CADPS2: variants seen among roughly 807,000 people sequenced by gnomAD.
CADPS2 encodes the protein calcium-dependent secretion activator 2.
Under a neutral mutation model 172.5 loss-of-function variants are expected in CADPS2, and 93 were observed. The ratio of observed to expected loss-of-function variants is 0.54; its 90% CI spans 0.46 to 0.64. The LOEUF is 0.64. Among genes scored for constraint, CADPS2 ranks in the 30% least tolerant of loss-of-function variants. The probability of loss-of-function intolerance (pLI) is 0.00; values close to 1 mark genes in which losing one functional copy is unlikely to be tolerated. For synonymous variants in CADPS2, 546 were observed against 555.2 expected (o/e 0.98, Z 0.23); for missense variants, 1,420 against 1,565.9 (o/e 0.91, Z 1.57).
At chr7:122,841,142 A>C (rs938344123) in intron 1 of CADPS2, among the ~76,000 whole-genome samples, 1 of 152,200 alleles carries the variant, frequency 6.6e-6, no homozygotes, top group African/African-American at 2.4e-5. Context: ...GTTAATGCCT[A>C]TATTTCTTGG....
chr7:122,632,751 T>G (rs2076698738), intron 3 of CADPS2, among the ~76,000 whole-genome samples: 1 of 152,226 alleles, frequency 6.6e-6, no homozygotes, highest in Non-Finnish European at 1.5e-5. Context: ...TTTGTGGACT[T>G]AGCCATAAGT....
chr7:122,395,202 C>T (rs2044911170), intron 20 of CADPS2, among the ~76,000 whole-genome samples: 1 of 152,098 alleles, frequency 6.6e-6, no homozygotes, highest in Non-Finnish European at 1.5e-5. Context: ...CGATATGTTA[C>T]TTTATGCGTT....
At chr7:122,381,820 CAAAG>C (rs1298311298) in intron 24 of CADPS2, among the ~76,000 whole-genome samples, 1 of 152,000 alleles carries the variant, frequency 6.6e-6, no homozygotes, top group Non-Finnish European at 1.5e-5. Flanking sequence ...ATGTTAAAAA[CAAAG>C]GAATAAAGAA....
At chr7:122,693,392 T>C (rs1239037392) in intron 2 of CADPS2, among the ~76,000 whole-genome samples, 2 of 152,222 alleles carry the variant, frequency 1.3e-5, no homozygotes, top group East Asian at 1.9e-4. Context: ...TCTACCAAGA[T>C]ACTTTCAGTA....
At chr7:122,658,590 A>G (rs1286144896) in intron 3 of CADPS2, among the ~76,000 whole-genome samples, 1 of 152,230 alleles carries the variant, frequency 6.6e-6, no homozygotes, top group African/African-American at 2.4e-5. Context: ...TTGTAGGGAC[A>G]TGGATGAAGC....
At chr7:122,695,002 T>C (rs1442708785) in intron 2 of CADPS2, among the ~76,000 whole-genome samples, 1 of 152,158 alleles carries the variant, frequency 6.6e-6, no homozygotes, top group Non-Finnish European at 1.5e-5. Flanking sequence ...TTAAATCCCA[T>C]CAGAAAAGTC....
chr7:122,451,095 G>A (rs1452780809), intron 15 of CADPS2, among the ~76,000 whole-genome samples: 4 of 152,140 alleles, frequency 2.6e-5, no homozygotes, highest in Non-Finnish European at 5.9e-5. Context: ...GAGCTAGGGG[G>A]AAGAGACTAT....
chr7:122,699,039 C>A (rs2085616429), intron 2 of CADPS2: 3 of 685,440 alleles, frequency 4.4e-6, no homozygotes, highest in Non-Finnish European at 7.2e-6. Flanking sequence ...TGTCTTCCAG[C>A]ATGTTTTTGT....
intron 2 of CADPS2, among the ~76,000 whole-genome samples, chr7:122,716,482 C>T (rs566494961): frequency 6.6e-6 from 1 of 152,132 alleles, no homozygotes; most frequent in Admixed American, 6.6e-5. Flanking sequence ...TCCCAGTCAG[C>T]AGAAAGCTCC....
chr7:122,623,834 C>A (rs907292703), intron 4 of CADPS2, among the ~76,000 whole-genome samples: 1 of 152,158 alleles, frequency 6.6e-6, no homozygotes, highest in Non-Finnish European at 1.5e-5. Context: ...GAGCATGTCA[C>A]GTATCTGAAA....
chr7:122,719,839 T>C lies in CADPS2; in HGVS notation c.453+17116A>G, dbSNP rs1005132501. 2.0e-5 allele frequency among the ~76,000 whole-genome samples: 3 copies of C among 152,246 alleles called. No individual in the cohort carries two copies. In the East Asian group the frequency reaches 5.8e-4, roughly 29 times the overall value. ...AAAAAGGAAAAAATATCATCATTTATGGCTTTATCAAAATCTTGCATAGAT... is the reference window on the plus strand; with the variant it reads ...AAAAAGGAAAAAATATCATCATTTACGGCTTTATCAAAATCTTGCATAGAT... On this transcript the variant is annotated intron_variant, in intron 2 of 29. Coordinates refer to ENST00000449022, the MANE Select transcript of CADPS2 (RefSeq NM_017954.11).
At chr7:122,389,971 A>G (rs1006265860) in intron 22 of CADPS2, among the ~76,000 whole-genome samples, 10 of 152,012 alleles carry the variant, frequency 6.6e-5, no homozygotes, top group African/African-American at 2.2e-4. Context: ...TTAGAAAAAA[A>G]GGCACCTCTT....
chr7:122,618,173 G>C (rs1479414533), intron 5 of CADPS2, among the ~76,000 whole-genome samples: 7 of 152,064 alleles, frequency 4.6e-5, no homozygotes, highest in Non-Finnish European at 7.4e-5. Flanking sequence ...GCGTTTTGTG[G>C]ATTGGCTCAT....
chr7:122,369,132 C>A lies in CADPS2; in HGVS notation c.3388-8119G>T, dbSNP rs113867679. 2.5e-5 allele frequency among the ~76,000 whole-genome samples: 2 copies of A among 80,062 alleles called. 1 individual carries two copies. Among genetic ancestry groups the A allele is most frequent in the Non-Finnish European group, 4.2e-5 (2 of 47,460 alleles). 52.5% of individuals were successfully genotyped at this position (80,062 alleles called of 152,430 possible). Reference sequence around the variant, plus strand: ...TGGCTAGAAGAATTTTTGTTTCCCCCCCCCCCCCCCTTTTTTTTTTTTTGA... The same window carrying A: ...TGGCTAGAAGAATTTTTGTTTCCCCACCCCCCCCCCTTTTTTTTTTTTTGA... On this transcript the variant is annotated intron_variant, in intron 25 of 29. Transcript: ENST00000449022.
At chr7:122,625,628 C>G (rs1385147018) in intron 4 of CADPS2, among the ~76,000 whole-genome samples, 2 of 151,990 alleles carry the variant, frequency 1.3e-5, no homozygotes, top group Non-Finnish European at 2.9e-5. Context: ...CCAGTCCGCC[C>G]TACAGATTTC....
chr7:122,323,874 TATATATATA>T (rs1186979085), intron 29 of CADPS2, among the ~76,000 whole-genome samples: 27 of 14,998 alleles, frequency 1.8e-3, no homozygotes, highest in Non-Finnish European at 3.2e-3. Context: ...ATGTATATTT[TATATATATA>T]TATATATATA....
chr7:122,444,421 C>A (rs1391177179), intron 15 of CADPS2, among the ~76,000 whole-genome samples: 1 of 152,146 alleles, frequency 6.6e-6, no homozygotes, highest in Non-Finnish European at 1.5e-5. Flanking sequence ...TATATTCCTA[C>A]CAACAGCATA....
chr7:122,715,386 T>C (rs2089444346), intron 2 of CADPS2, among the ~76,000 whole-genome samples: 1 of 152,122 alleles, frequency 6.6e-6, no homozygotes. Context: ...AGAACGCAGA[T>C]GGCAAAGTGG....
intron 1 of CADPS2, among the ~76,000 whole-genome samples, chr7:122,768,143 A>C (rs2138979156): frequency 6.6e-6 from 1 of 152,296 alleles, no homozygotes; most frequent in Middle Eastern, 3.4e-3. Context: ...GATACCTTCA[A>C]GTTACTTAAT....
Sources: gnomAD v4.1 joint callset for allele counts (sites outside exome capture counted in the v4.1 genomes callset) on GRCh38, gnomAD v4.1.1 for gene constraint, MANE v1.5 for transcripts, NCBI Gene and HGNC (gene_info 2026-07-23, HGNC 2026-07-21) for gene names.